Variants in TAFA2 observed in about 807,000 individuals in gnomAD.
TAFA2 encodes the protein TAFA chemokine like family member 2.
In TAFA2, 7 loss-of-function variants were observed where a neutral mutation model predicts 18.8. That is an observed-to-expected ratio of 0.37 (90% CI 0.21 to 0.70). The LOEUF (loss-of-function observed/expected upper bound fraction) is 0.70, where lower values mean the gene tolerates loss of function less well. Ranked by LOEUF, TAFA2 falls within the 30% of genes least tolerant of loss-of-function variation. The probability of loss-of-function intolerance (pLI) is 0.53; values close to 1 mark genes in which losing one functional copy is unlikely to be tolerated. For synonymous variants in TAFA2, 60 were observed against 54.2 expected (o/e 1.11, Z -0.47); for missense variants, 122 against 158.1 (o/e 0.77, Z 1.23).
chr12:61,841,450 A>G (rs563654003), intron 2 of TAFA2, among the ~76,000 whole-genome samples: 14 of 152,224 alleles, frequency 9.2e-5, no homozygotes, highest in Admixed American at 5.9e-4. Context: ...TTAAAAATCA[A>G]TAGGCTGTAA....
intron 1 of TAFA2, among the ~76,000 whole-genome samples, chr12:62,222,567 A>G (rs1485354146): frequency 6.6e-6 from 1 of 151,780 alleles, no homozygotes; most frequent in Non-Finnish European, 1.5e-5. Flanking sequence ...GAGTGCCGTG[A>G]TGCGATCTCG....
intron 1 of TAFA2, among the ~76,000 whole-genome samples, chr12:61,962,062 G>T (rs1009863954): frequency 2.0e-5 from 3 of 151,804 alleles, no homozygotes; most frequent in Non-Finnish European, 4.4e-5. Flanking sequence ...CTTTCACTAC[G>T]TATATTGATT....
Position 62,129,193 on chromosome 12 carries a change from G to T in TAFA2, c.-2+62066C>A, listed in dbSNP as rs545006320. On this transcript the variant is annotated intron_variant, in intron 1 of 4. Coordinates refer to ENST00000416284, the MANE Select transcript of TAFA2 (RefSeq NM_178539.5). ...GAAAAAATGTTTTTCTTCTTTTTTA[G>T]GTTCTCCTGGTAACCTAAAAATAAA... Among the ~76,000 whole-genome samples the T allele has an allele frequency of 1.2e-4, 18 of 151,712 alleles. No homozygotes were observed. The South Asian group carries it at 3.5e-3, about 30-fold the overall frequency.
At chr12:61,933,222 T>A (rs1390940811) in intron 1 of TAFA2, among the ~76,000 whole-genome samples, 1 of 152,190 alleles carries the variant, frequency 6.6e-6, no homozygotes, top group Non-Finnish European at 1.5e-5. Context: ...AACACAGAAT[T>A]TGCCATCAAT....
chr12:62,123,302 C>T (rs1446678952), intron 1 of TAFA2, among the ~76,000 whole-genome samples: 7 of 152,036 alleles, frequency 4.6e-5, no homozygotes, highest in Admixed American at 4.6e-4. Context: ...ATTGAATAAA[C>T]ATTCACCTAA....
At chr12:62,009,845 T>A (rs1280369616) in intron 1 of TAFA2, among the ~76,000 whole-genome samples, 1 of 152,206 alleles carries the variant, frequency 6.6e-6, no homozygotes. Flanking sequence ...TCCAACCATA[T>A]GGAATAAACT....
intron 1 of TAFA2, chr12:61,879,314 C>A (rs567624752): frequency 9.9e-6 from 5 of 504,058 alleles, no homozygotes; most frequent in Non-Finnish European, 3.5e-6. Flanking sequence ...CTCCTGCCTC[C>A]ACCATGTCCA....
intron 2 of TAFA2, 25 bp downstream of exon 2, chr12:61,867,295 T>TG: frequency 4.3e-6 from 5 of 1,158,664 alleles, no homozygotes; most frequent in Admixed American, 4.3e-5. Flanking sequence ...CACATTTAGT[T>TG]GAAAAAAAAA....
chr12:61,888,651 T>C (rs774109479), intron 1 of TAFA2, among the ~76,000 whole-genome samples: 1 of 151,970 alleles, frequency 6.6e-6, no homozygotes, highest in Non-Finnish European at 1.5e-5. Context: ...TAGATAAAAA[T>C]ACTTTTTGAA....
intron 1 of TAFA2, among the ~76,000 whole-genome samples, chr12:62,078,725 T>G (rs1018192356): frequency 6.6e-6 from 1 of 152,146 alleles, no homozygotes; most frequent in Non-Finnish European, 1.5e-5. Flanking sequence ...TCCCTTATGC[T>G]CCTCCCTTGT....
At chr12:62,179,049 C>A (rs1331199098) in intron 1 of TAFA2, among the ~76,000 whole-genome samples, 1 of 152,112 alleles carries the variant, frequency 6.6e-6, no homozygotes, top group Non-Finnish European at 1.5e-5. Context: ...AAAGAAATCA[C>A]TTGCATACAA....
chr12:61,866,586 G>A (rs556887542), intron 2 of TAFA2, among the ~76,000 whole-genome samples: 1 of 152,248 alleles, frequency 6.6e-6, no homozygotes, highest in South Asian at 2.1e-4. Flanking sequence ...TCATTATATT[G>A]AGTCTTATGG....
intron 1 of TAFA2, among the ~76,000 whole-genome samples, chr12:61,955,413 C>A (rs1878616806): frequency 6.6e-6 from 1 of 150,646 alleles, no homozygotes; most frequent in Non-Finnish European, 1.5e-5. Context: ...ACCATCCTAG[C>A]CAACATGGTG....
chr12:61,769,555 C>T lies in TAFA2; in HGVS notation c.107-14531G>A, dbSNP rs1177865798. Among the ~76,000 whole-genome samples the T allele has an allele frequency of 2.6e-5, 4 of 152,092 alleles. No individual in the cohort carries two copies. In the East Asian group the frequency reaches 7.8e-4, roughly 30 times the overall value. ...AGATGAGAGACCTGAAGACAGATCA[C>T]ATCACAGGACTCTTTGAAGACACCC... On this transcript the variant is annotated intron_variant, in intron 2 of 4. Coordinates refer to ENST00000416284, the MANE Select transcript of TAFA2 (RefSeq NM_178539.5).
chr12:61,913,950 AAT>A (rs1303745036), intron 1 of TAFA2, among the ~76,000 whole-genome samples: 1 of 152,218 alleles, frequency 6.6e-6, no homozygotes, highest in African/African-American at 2.4e-5. Context: ...CAATCAGTTG[AAT>A]ATGAATTTTT....
intron 1 of TAFA2, among the ~76,000 whole-genome samples, chr12:62,186,618 G>A (rs2062587519): frequency 1.3e-5 from 2 of 152,112 alleles, no homozygotes; most frequent in Non-Finnish European, 2.9e-5. Context: ...TATTGCTGGG[G>A]AAAGGGAGAT....
intron 1 of TAFA2, among the ~76,000 whole-genome samples, chr12:61,954,540 AACACAC>A (rs140612320): frequency 6.6e-6 from 1 of 150,912 alleles, no homozygotes; most frequent in South Asian, 2.1e-4. Flanking sequence ...TAAAACACAA[AACACAC>A]ACACACACAC....
At chr12:62,080,898 T>C (rs562652144) in intron 1 of TAFA2, among the ~76,000 whole-genome samples, 5 of 152,258 alleles carry the variant, frequency 3.3e-5, no homozygotes, top group Non-Finnish European at 7.4e-5. Flanking sequence ...TGACCTTGCA[T>C]TAAAACATTC....
intron 2 of TAFA2, chr12:61,775,858 A>T (rs1285156342): frequency 6.3e-6 from 1 of 159,158 alleles, no homozygotes; most frequent in Non-Finnish European, 1.4e-5. Context: ...GTGAGCCTAA[A>T]ACTACTCTTA....
Sources: gnomAD v4.1 joint callset for allele counts (sites outside exome capture counted in the v4.1 genomes callset) on GRCh38, gnomAD v4.1.1 for gene constraint, MANE v1.5 for transcripts, NCBI Gene and HGNC (gene_info 2026-07-23, HGNC 2026-07-21) for gene names.